Variants in BICRA observed in about 807,000 individuals in gnomAD.
BICRA encodes BRD4-interacting chromatin-remodeling complex-associated protein.
Under a neutral mutation model 96.9 loss-of-function variants are expected in BICRA, and 31 were observed. That is an observed-to-expected ratio of 0.32 (90% confidence interval 0.24 to 0.43). The LOEUF (loss-of-function observed/expected upper bound fraction) is 0.43, where lower values mean the gene tolerates loss of function less well. BICRA is among the 20% of genes least tolerant of loss of function. The probability of loss-of-function intolerance (pLI) is 1.00; values close to 1 mark genes in which losing one functional copy is unlikely to be tolerated. For synonymous variants in BICRA, 1,350 were observed against 1,071.8 expected (o/e 1.26, Z -5.07); for missense variants, 2,283 against 2,190.3 (o/e 1.04, Z -0.84).
rs553246924 is a variant in BICRA, at chr19:47,699,084, C to G, written c.3492+25C>G. ...GGTAGGGTCAGAGTCGCCTTCCTCG[C>G]CTCTGGGCTCCTCCTCGCTGGGACA... On this transcript the variant is annotated intron_variant, in intron 13 of 14. Transcript: ENST00000594866. The surrounding 1 kb of genome is among the most constrained non-coding windows in gnomAD (Gnocchi z 5.0). 1 of 1,398,022 alleles carries G rather than the reference C, an allele frequency of 7.2e-7. No homozygotes were observed. The highest frequency in any genetic ancestry group is 2.0e-5 in the Admixed American group (1 of 51,088). 86.6% of individuals were successfully genotyped at this position (1,398,022 alleles called of 1,614,324 possible).
Position 47,699,650 on chromosome 19 carries a change from G to T in BICRA, c.3595+245G>T, listed in dbSNP as rs944283832. Among the ~76,000 whole-genome samples, 12 of 152,142 alleles carry T rather than the reference G, an allele frequency of 7.9e-5. No individual in the cohort carries two copies. The highest frequency in any genetic ancestry group is 4.4e-5 in the Non-Finnish European group (3 of 68,032). ...CCTTCCACCCCCACCACTCTGGGAT[G>T]GGGGGAATATTTCTGCCACCCCCGT... On this transcript the variant is annotated intron_variant, in intron 14 of 14. Coordinates refer to ENST00000594866, the MANE Select transcript of BICRA (RefSeq NM_001394372.1). This position sits in a 1 kb window ranked among gnomAD's most constrained non-coding sequence, Gnocchi z 5.0.
intron 1 of BICRA, among the ~76,000 whole-genome samples, chr19:47,667,170 C>T (rs985031321): frequency 7.9e-5 from 12 of 152,126 alleles, no homozygotes; most frequent in Non-Finnish European, 1.5e-4. Flanking sequence ...AGGCGCCCAC[C>T]CCCACGCCGG....
rs1973312738 is a variant in BICRA at position 47,695,017 on chromosome 19, G to A, written c.3013G>A (p.Ala1005Thr). 2.6e-6 allele frequency: 4 copies of A among 1,517,856 alleles called. No individual in the cohort carries two copies. The highest frequency in any genetic ancestry group is 2.8e-5 in the African/African-American group (2 of 71,120). 94.0% of individuals were successfully genotyped at this position (1,517,856 alleles called of 1,614,324 possible). A position where few individuals can be genotyped will look rare whatever the true frequency, so the allele number is the denominator to read the frequency against. ...PAASVLVSGQ[A>T]PSGTPTAPSH... ...TGCGTCTGTGCTGGTCAGTGGGCAG[G>A]CCCCATCTGGGACCCCCACTGCCCC... The change falls in exon 9 of 15, where the codon GCC becomes ACC. Residue 1005 changes from alanine to threonine, a missense_variant. Transcript: ENST00000594866.
chr19:47,643,768 C>T (rs541442544), intron 1 of BICRA, among the ~76,000 whole-genome samples: 8 of 152,242 alleles, frequency 5.3e-5, no homozygotes, highest in South Asian at 2.1e-4. Flanking sequence ...GAAATGGCCC[C>T]GGAAGCATGG....
chr19:47,625,433 C>T (rs956738416), intron 1 of BICRA, among the ~76,000 whole-genome samples: 2 of 151,996 alleles, frequency 1.3e-5, no homozygotes, highest in Non-Finnish European at 2.9e-5. Flanking sequence ...GCTCCCTCCT[C>T]GGGGAAGCCC....
In BICRA at chr19:47,679,622, C is replaced by G; in HGVS notation, c.452C>G (p.Ala151Gly). 1 of 1,516,864 alleles carries G rather than the reference C, an allele frequency of 6.6e-7. No individual in the cohort carries two copies. Among genetic ancestry groups the G allele is most frequent in the Non-Finnish European group, 8.8e-7 (1 of 1,132,590 alleles). 94.0% of individuals were successfully genotyped at this position (1,516,864 alleles called of 1,614,324 possible). Residue 151 changes from alanine to glycine, a missense_variant, in exon 6 of 15, where the codon GCC (alanine) becomes GGC (glycine). Coordinates refer to ENST00000594866, the MANE Select transcript of BICRA (RefSeq NM_001394372.1). Reference sequence around the variant, plus strand: ...CCGACGGGCGCTGGAGGGGCAGCGGCCGTGGCTGCGGGGCCCCAAGCCCTC... The same window carrying G: ...CCGACGGGCGCTGGAGGGGCAGCGGGCGTGGCTGCGGGGCCCCAAGCCCTC... ...AGPTGAGGAA[A>G]VAAGPQALFP...
rs1163249527 is a variant in BICRA, at chr19:47,702,446, C to T, written c.*31C>T. ...GGCCGCCTCCCCTTCCCCGTCCCCT[C>T]CTCCCGAAGACGCCGGGACAGTCGG... is the stretch of plus-strand genomic sequence containing the variant. On this transcript the variant is annotated 3_prime_UTR_variant, in exon 15 of 15. Transcript: ENST00000594866. 25 of 1,450,944 alleles carry T rather than the reference C, an allele frequency of 1.7e-5. No individual in the cohort carries two copies. The highest frequency in any genetic ancestry group is 2.2e-5 in the Non-Finnish European group (25 of 1,115,834). 89.9% of individuals were successfully genotyped at this position (1,450,944 alleles called of 1,614,324 possible). A position where few individuals can be genotyped will look rare whatever the true frequency, so the allele number is the denominator to read the frequency against.
chr19:47,622,857 G>A (rs1972085413), intron 1 of BICRA, among the ~76,000 whole-genome samples: 1 of 151,788 alleles, frequency 6.6e-6, no homozygotes, highest in Admixed American at 6.6e-5. Context: ...GGGCAACATG[G>A]TGAAGCCCCA....
chr19:47,623,905 G>A (rs1972101971), intron 1 of BICRA, among the ~76,000 whole-genome samples: 1 of 150,468 alleles, frequency 6.6e-6, no homozygotes, highest in African/African-American at 2.5e-5. Context: ...AGGCTGGAGT[G>A]CAGTGGCGCG....
At chr19:47,655,519 C>G (rs1161563586) in intron 1 of BICRA, among the ~76,000 whole-genome samples, 12 of 100,446 alleles carry the variant, frequency 1.2e-4, no homozygotes. Context: ...GAGCAAAACT[C>G]TGTCTCAAAA....
At chr19:47,668,375 A>T (rs1362447533) in intron 1 of BICRA, among the ~76,000 whole-genome samples, 1 of 152,156 alleles carries the variant, frequency 6.6e-6, no homozygotes, top group Admixed American at 6.5e-5. Flanking sequence ...GAGCTGCCTG[A>T]CATGCAGGTT....
intron 7 of BICRA, among the ~76,000 whole-genome samples, chr19:47,687,130 A>G (rs2974241): frequency 0.15 from 22,204 of 152,188 alleles, 2,002 homozygotes; most frequent in Non-Finnish European, 0.2. Context: ...GCAACTTTCT[A>G]TAAAGAGGCA....
Position 47,695,282 on chromosome 19 carries a change from G to GT in BICRA, c.3077-82dup, listed in dbSNP as rs895588674. On this transcript the variant is annotated intron_variant, in intron 9 of 14. Transcript: ENST00000594866. ...GGAGGGCCAGGAGGAGAGCGGTGGG[G>GT]TACAGGATGGGGCTCCCGTTTGAGG... 7.4e-5 allele frequency: 59 copies of GT among 802,010 alleles called. No homozygotes were observed. The Middle Eastern group carries it at 2.1e-3, about 29-fold the overall frequency. The allele number at this position is 802,010 out of a possible 1,614,324, so 49.7% of individuals were successfully genotyped here.
At chr19:47,667,485 C>T in intron 1 of BICRA, among the ~76,000 whole-genome samples, 1 of 152,110 alleles carries the variant, frequency 6.6e-6, no homozygotes, top group East Asian at 1.9e-4. Context: ...AGGTCGTGCA[C>T]AGAGCTTGGG....
intron 5 of BICRA, chr19:47,679,098 C>T (rs1474737935): frequency 2.3e-5 from 9 of 399,150 alleles, no homozygotes; most frequent in Middle Eastern, 6.3e-4. Context: ...TTTCTCACTG[C>T]GTTGCCCAGG....
At chr19:47,691,699 G>A (rs1973243303) in intron 7 of BICRA, among the ~76,000 whole-genome samples, 1 of 152,044 alleles carries the variant, frequency 6.6e-6, no homozygotes, top group Non-Finnish European at 1.5e-5. Context: ...GAGTGGCCGG[G>A]ATTACAGGCA....
Position 47,680,120 on chromosome 19 carries a change from C to T in BICRA, c.950C>T (p.Thr317Ile). The change falls in exon 6 of 15, where the codon ACC (threonine) becomes ATC (isoleucine). Residue 317 changes from threonine to isoleucine, a missense_variant. Coordinates refer to ENST00000594866, the MANE Select transcript of BICRA (RefSeq NM_001394372.1). ...FGGAGAASAPTGTPSGQPLAV... is the reference protein window; with the variant it reads ...FGGAGAASAPIGTPSGQPLAV... ...GGCGCGGGGGCCGCCTCGGCTCCCA[C>T]CGGGACGCCCTCGGGACAGCCGCTG... 6.5e-7 allele frequency: 1 copy of T among 1,532,212 alleles called. No homozygotes were observed. The highest frequency in any genetic ancestry group is 8.7e-7 in the Non-Finnish European group (1 of 1,150,876). 94.9% of individuals were successfully genotyped at this position (1,532,212 alleles called of 1,614,324 possible).
intron 5 of BICRA, among the ~76,000 whole-genome samples, chr19:47,676,859 GTA>G (rs1337991625): frequency 2.0e-5 from 3 of 151,762 alleles, no homozygotes; most frequent in African/African-American, 7.3e-5. Flanking sequence ...CATCATTTTT[GTA>G]TACCCTAAGA....
intron 1 of BICRA, among the ~76,000 whole-genome samples, chr19:47,613,924 G>C (rs533446160): frequency 1.3e-5 from 2 of 151,734 alleles, no homozygotes; most frequent in African/African-American, 4.8e-5. Context: ...GTATTCATTG[G>C]GGGGAGGGGG....
Sources: gnomAD v4.1 joint callset for allele counts (sites outside exome capture counted in the v4.1 genomes callset) on GRCh38, gnomAD v4.1.1 for gene constraint, Gnocchi (gnomAD v3.1) non-coding constraint, MANE v1.5 for transcripts, NCBI Gene and HGNC (gene_info 2026-07-23, HGNC 2026-07-21) for gene names.